The following DMRT1 variants were observed in gnomAD, a reference collection of about 807,000 sequenced individuals.
The protein encoded by DMRT1 is doublesex- and mab-3-related transcription factor 1.
In DMRT1, 7 loss-of-function variants were observed where a neutral mutation model predicts 32.3. That is an observed-to-expected ratio of 0.22 (90% CI 0.12 to 0.41). The LOEUF (loss-of-function observed/expected upper bound fraction) is 0.41. Ranked by LOEUF, DMRT1 falls within the 10% of genes least tolerant of loss-of-function variation. The pLI is 1.00. For synonymous variants in DMRT1, 278 were observed against 206.1 expected (o/e 1.35, Z -2.99); for missense variants, 625 against 500.5 (o/e 1.25, Z -2.37).
Position 842,046 on chromosome 9 carries a change from TC to T in DMRT1, c.212del (p.Pro71ArgfsTer37). ...GGACCTGGGTGCCGGGAGCAAGAAG[TC>T]CCCGCGGCTGCCCAAGTGCGCACGC... The part of the protein sequence containing the change: ...ASDLGAGSKK[S>X]PRLPKCARCR... On this transcript the variant is annotated frameshift_variant, in exon 1 of 5. Coordinates refer to ENST00000382276, the MANE Select transcript of DMRT1 (RefSeq NM_021951.3). LOFTEE classifies it high-confidence loss of function. 1 of 1,545,110 alleles carries T rather than the reference TC, an allele frequency of 6.5e-7. No individual in the cohort carries two copies.
chr9:883,057 C>A (rs764737977), intron 2 of DMRT1, among the ~76,000 whole-genome samples: 4 of 151,856 alleles, frequency 2.6e-5, no homozygotes, highest in Non-Finnish European at 5.9e-5. Flanking sequence ...CAGGCATGAG[C>A]CACCAAGCCT....
chr9:915,691 G>A (rs1173133774), intron 3 of DMRT1, among the ~76,000 whole-genome samples: 1 of 151,882 alleles, frequency 6.6e-6, no homozygotes, highest in Admixed American at 6.6e-5. Flanking sequence ...CATTACACAT[G>A]GTTTGCATGT....
chr9:957,513 T>G (rs1242972281), intron 4 of DMRT1, among the ~76,000 whole-genome samples: 1 of 152,236 alleles, frequency 6.6e-6, no homozygotes, highest in African/African-American at 2.4e-5. Flanking sequence ...CTAAACAGTG[T>G]GCACTTGGTT....
In DMRT1 at chr9:913,287, AGCAG is replaced by A. The variant is rs931038936; in HGVS notation, c.823-3474_823-3471del. On this transcript the variant is annotated intron_variant, in intron 3 of 4. Coordinates refer to ENST00000382276, the MANE Select transcript of DMRT1 (RefSeq NM_021951.3). ...TAGATGTGACAAACTCAGCCCCCAGAGCAGGGAGGCTCCATTATTTATATTACGG... is the reference window on the plus strand; with the variant it reads ...TAGATGTGACAAACTCAGCCCCCAGAGGAGGCTCCATTATTTATATTACGG... Among the ~76,000 whole-genome samples the A allele has an allele frequency of 2.0e-5, 3 of 152,180 alleles. No individual in the cohort carries two copies. The South Asian group carries it at 6.2e-4, about 32-fold the overall frequency.
At chr9:844,202 G>C (rs1366242538) in intron 1 of DMRT1, among the ~76,000 whole-genome samples, 1 of 152,110 alleles carries the variant, frequency 6.6e-6, no homozygotes, top group African/African-American at 2.4e-5. Flanking sequence ...CTTAGAATGG[G>C]AAACTTCAGT....
intron 4 of DMRT1, among the ~76,000 whole-genome samples, chr9:966,085 G>T (rs1218759542): frequency 3.3e-5 from 5 of 152,134 alleles, no homozygotes; most frequent in Non-Finnish European, 7.3e-5. Flanking sequence ...ATAGTAACAA[G>T]ATCTCAAAGC....
At chr9:854,022 G>C in intron 2 of DMRT1, among the ~76,000 whole-genome samples, 1 of 151,426 alleles carries the variant, frequency 6.6e-6, no homozygotes, top group East Asian at 1.9e-4. Flanking sequence ...CGCTGGTCTT[G>C]AACTCCTGGC....
chr9:881,813 C>T (rs1214403815), intron 2 of DMRT1, among the ~76,000 whole-genome samples: 2 of 152,168 alleles, frequency 1.3e-5, no homozygotes, highest in East Asian at 1.9e-4. Flanking sequence ...TCTTCTCCAC[C>T]CCCAAACTCA....
At chr9:967,032 C>T (rs1586674494) in intron 4 of DMRT1, among the ~76,000 whole-genome samples, 4 of 152,186 alleles carry the variant, frequency 2.6e-5, no homozygotes, top group Admixed American at 2.0e-4. Context: ...TTAGTATTAA[C>T]GATTGGCCAT....
chr9:882,017 A>T (rs1472629837), intron 2 of DMRT1, among the ~76,000 whole-genome samples: 1 of 152,236 alleles, frequency 6.6e-6, no homozygotes, highest in East Asian at 1.9e-4. Context: ...GGTCAGAGAA[A>T]TGGCATTTCC....
chr9:858,124 A>G (rs1815483648), intron 2 of DMRT1, among the ~76,000 whole-genome samples: 1 of 152,160 alleles, frequency 6.6e-6, no homozygotes, highest in Non-Finnish European at 1.5e-5. Flanking sequence ...AGTTTCTAAA[A>G]TTGGAAAACC....
At chr9:899,068 T>C (rs569828719) in intron 3 of DMRT1, among the ~76,000 whole-genome samples, 1 of 152,308 alleles carries the variant, frequency 6.6e-6, no homozygotes, top group South Asian at 2.1e-4. Context: ...ACTAGTCATG[T>C]ATAGAAATGC....
intron 4 of DMRT1, among the ~76,000 whole-genome samples, chr9:929,802 A>T (rs540583010): frequency 9.0e-4 from 137 of 152,186 alleles, no homozygotes; most frequent in Non-Finnish European, 1.6e-3. Context: ...CCAGGATGTA[A>T]ACTGATGGCT....
chr9:928,233 A>G (rs1818591468), intron 4 of DMRT1, among the ~76,000 whole-genome samples: 1 of 152,238 alleles, frequency 6.6e-6, no homozygotes, highest in African/African-American at 2.4e-5. Context: ...AAAAAATAAT[A>G]TTCAGAGACA....
At chr9:883,080 C>G (rs1414078073) in intron 2 of DMRT1, among the ~76,000 whole-genome samples, 3 of 151,746 alleles carry the variant, frequency 2.0e-5, no homozygotes, top group Admixed American at 6.6e-5. Context: ...CCACCCCACC[C>G]TTTTCACTCT....
intron 1 of DMRT1, among the ~76,000 whole-genome samples, chr9:845,285 C>CCTCCTGCT (rs1229053592): frequency 1.3e-5 from 2 of 152,228 alleles, no homozygotes; most frequent in Admixed American, 1.3e-4. Context: ...TTTCGGCTCA[C>CCTCCTGCT]TGCAACCTCC....
chr9:848,593 G>A (rs535640675), intron 2 of DMRT1, among the ~76,000 whole-genome samples: 8 of 125,586 alleles, frequency 6.4e-5, no homozygotes, highest in Admixed American at 9.7e-5. Flanking sequence ...TCACTCTGTT[G>A]CCCAGGCTGG....
intron 2 of DMRT1, among the ~76,000 whole-genome samples, chr9:875,737 A>G (rs1204941531): frequency 6.6e-6 from 1 of 152,050 alleles, no homozygotes; most frequent in Non-Finnish European, 1.5e-5. Context: ...TTTTCTTTTC[A>G]GGTAAGATTT....
At chr9:927,865 A>G (rs1029003492) in intron 4 of DMRT1, among the ~76,000 whole-genome samples, 12 of 152,184 alleles carry the variant, frequency 7.9e-5, no homozygotes, top group African/African-American at 2.7e-4. Context: ...ATCCTTTCCT[A>G]TGAAAACTTG....
Sources: allele counts gnomAD v4.1 joint callset (sites outside exome capture counted in the v4.1 genomes callset), GRCh38; gene constraint gnomAD v4.1.1; transcripts MANE v1.5; gene names NCBI Gene and HGNC (gene_info 2026-07-23, HGNC 2026-07-21).